Variants in LRRC31 observed in about 807,000 individuals in gnomAD.
LRRC31 encodes the protein leucine rich repeat containing 31.
LRRC31 carries 35 observed loss-of-function variants against 46.7 expected under a neutral mutation model. The ratio of observed to expected loss-of-function variants is 0.75; its 90% CI spans 0.57 to 0.99. The LOEUF (loss-of-function observed/expected upper bound fraction) is 0.99, where lower values mean the gene tolerates loss of function less well. Among genes scored for constraint, LRRC31 ranks in the 50% least tolerant of loss-of-function variants. LRRC31 has a pLI of 0.00. For synonymous variants in LRRC31, 236 were observed against 235.1 expected (o/e 1.00, Z -0.03); for missense variants, 613 against 626.1 (o/e 0.98, Z 0.22).
chr3:169,861,556 C>G, intron 2 of LRRC31, 114 bp downstream of exon 2: 1 of 1,026,454 alleles, frequency 9.7e-7, no homozygotes, highest in Non-Finnish European at 1.4e-6. Context: ...CTGCAATTGT[C>G]TGGGACCACT....
At chr3:169,862,193 A>G (rs538608716) in intron 1 of LRRC31, among the ~76,000 whole-genome samples, 97 of 152,312 alleles carry the variant, frequency 6.4e-4, no homozygotes, top group African/African-American at 2.2e-3. Flanking sequence ...GGAAGCAGAG[A>G]TACTTGCCTC....
rs770799121 is a variant in LRRC31, at chr3:169,854,943, T to C, written c.861A>G (p.Leu287=). 7 of 1,612,334 alleles carry C rather than the reference T, an allele frequency of 4.3e-6. No individual in the cohort carries two copies. The Admixed American group carries it at 1.2e-4, about 27-fold the overall frequency. Residue 287 remains leucine, a synonymous_variant, in exon 6 of 9, where the codon TTA becomes TTG. Coordinates refer to ENST00000316428, the MANE Select transcript of LRRC31 (RefSeq NM_024727.4). ...CTAGATCCTTATTGCAGGAAAGATC[T>C]AATTTCCTCAGCTCACCCAAATACC... ...AFRYLGELRK[L]DLSCNKDLGG... is the part of the protein sequence containing the mutation.
intron 8 of LRRC31, among the ~76,000 whole-genome samples, chr3:169,840,799 T>C (rs1330233758): frequency 6.6e-6 from 1 of 152,248 alleles, no homozygotes; most frequent in Non-Finnish European, 1.5e-5. Flanking sequence ...CCAATACATG[T>C]GACAGTTTTC....
Position 169,848,195 on chromosome 3 carries a change from G to A in LRRC31, c.1252C>T (p.Leu418=). ...GGNLKLLLET[L]KLSMSLQVLR... is the part of the protein sequence containing the mutation. ...ACTTGAAGAGACATGGAAAGCTTTA[G>A]TGTTTCCAGAAGCAGCTTCAAGTTG... Residue 418 remains leucine (L), a synonymous_variant, in exon 8 of 9, where the codon CTA becomes TTA. Transcript: ENST00000316428. 1 of 1,614,208 alleles carries A rather than the reference G, an allele frequency of 6.2e-7. No individual in the cohort carries two copies.
At chr3:169,865,025 G>A (rs1032547209) in intron 1 of LRRC31, among the ~76,000 whole-genome samples, 1 of 151,862 alleles carries the variant, frequency 6.6e-6, no homozygotes, top group Non-Finnish European at 1.5e-5. Flanking sequence ...TGCGTGAGCC[G>A]AGATTGTCCC....
At chr3:169,862,220 G>A (rs150508412) in intron 1 of LRRC31, among the ~76,000 whole-genome samples, 1 of 152,308 alleles carries the variant, frequency 6.6e-6, no homozygotes, top group Admixed American at 6.5e-5. Flanking sequence ...CCAAACAGGT[G>A]AAGAAGGGAA....
At position 169,861,792 on chromosome 3, in the gene LRRC31, A is replaced by G. The variant is rs750781236; in HGVS notation, c.197T>C (p.Met66Thr). The G allele has an allele frequency of 1.9e-6, 3 of 1,614,088 alleles. No homozygotes were observed. The highest frequency in any genetic ancestry group is 8.5e-7 in the Non-Finnish European group (1 of 1,179,998). Residue 66 changes from methionine to threonine, a missense_variant, in exon 2 of 9, where the codon ATG becomes ACG. Coordinates refer to ENST00000316428, the MANE Select transcript of LRRC31 (RefSeq NM_024727.4). Reference sequence around the variant, plus strand: ...TTTCTCCATACTGGATCTCCATTCCATTTCTGAACTGAGAGGCTTAGCTGT... The same window carrying G: ...TTTCTCCATACTGGATCTCCATTCCGTTTCTGAACTGAGAGGCTTAGCTGT... ...SETAKPLSSE[M>T]EWRSSMEKNE...
intron 8 of LRRC31, among the ~76,000 whole-genome samples, chr3:169,843,624 T>C (rs1385999433): frequency 2.0e-5 from 3 of 152,222 alleles, no homozygotes; most frequent in Non-Finnish European, 4.4e-5. Context: ...CACATTTATA[T>C]AAGCTTTTAA....
In LRRC31 at chr3:169,856,746, A is replaced by G; in HGVS notation, c.614T>C (p.Leu205Pro). The change falls in exon 4 of 9, where the codon CTT becomes CCT. Residue 205 changes from leucine to proline, a missense_variant. Physicochemically the swap from Leu to Pro is moderately conservative, Grantham distance 98 (BLOSUM62 -3). Transcript: ENST00000316428. The part of the protein sequence containing the change: ...QKGSKIQMIE[L>P]VDCSLTSEDG... ...TTCTGACGTGAGGGAGCAATCCACA[A>G]GCTCAATCATTTGTATCTTGCTCCC... 6.2e-7 allele frequency: 1 copy of G among 1,606,512 alleles called. No homozygotes were observed. The highest frequency in any genetic ancestry group is 8.5e-7 in the Non-Finnish European group (1 of 1,176,466).
At chr3:169,855,110 G>T (rs1780902530) in intron 5 of LRRC31, 130 bp from the exon 6 acceptor site, 1 of 668,900 alleles carries the variant, frequency 1.5e-6, no homozygotes, top group Non-Finnish European at 2.5e-6. Flanking sequence ...GGGCAGCATA[G>T]TGAGATCCAT....
rs1252230000 is a variant in LRRC31 at position 169,839,504 on chromosome 3, T to C, written c.*478A>G. The stretch of plus-strand genomic sequence containing the variant: ...ATGATACATGAAACTATTAGACAGC[T>C]AGTGCCTTTCACATTAGAATTACAC... On this transcript the variant is annotated 3_prime_UTR_variant, in exon 9 of 9. Transcript: ENST00000316428. The C allele has an allele frequency of 1.3e-5, 2 of 152,000 alleles. No homozygotes were observed. The highest frequency in any genetic ancestry group is 4.8e-5 in the African/African-American group (2 of 41,436). 9.4% of individuals were successfully genotyped at this position (152,000 alleles called of 1,614,324 possible). A position where few individuals can be genotyped will look rare whatever the true frequency, so the allele number is the denominator to read the frequency against.
At chr3:169,856,036 C>T (rs1248223283) in intron 5 of LRRC31, among the ~76,000 whole-genome samples, 2 of 151,888 alleles carry the variant, frequency 1.3e-5, no homozygotes, top group South Asian at 2.1e-4. Flanking sequence ...GCACGTACCA[C>T]CACGCCCAAC....
chr3:169,865,212 T>C (rs1049747820), intron 1 of LRRC31, among the ~76,000 whole-genome samples: 5 of 150,740 alleles, frequency 3.3e-5, no homozygotes, highest in African/African-American at 9.8e-5. Context: ...ATTGCGCCAC[T>C]GTAGTCCAGC....
chr3:169,847,197 T>C (rs1018431454), intron 8 of LRRC31, among the ~76,000 whole-genome samples: 8 of 152,190 alleles, frequency 5.3e-5, no homozygotes, highest in African/African-American at 1.9e-4. Flanking sequence ...TTTTGTTTTG[T>C]TTTTTGAGAA....
chr3:169,852,434 C>G (rs143792117), intron 6 of LRRC31, among the ~76,000 whole-genome samples: 1,678 of 143,820 alleles, frequency 0.012, 69 homozygotes, highest in African/African-American at 0.041. Flanking sequence ...AAAAAAAACT[C>G]TTAGCCTTCT....
At chr3:169,860,482 C>T in intron 3 of LRRC31, 79 bp downstream of exon 3, 1 of 1,454,684 alleles carries the variant, frequency 6.9e-7, no homozygotes, top group South Asian at 1.1e-5. Flanking sequence ...CCAGCCTCAG[C>T]CTCCCAAAGT....
chr3:169,869,457 C>A (rs966585696), intron 1 of LRRC31, among the ~76,000 whole-genome samples, 176 bp downstream of exon 1: 1 of 151,964 alleles, frequency 6.6e-6, no homozygotes, highest in Non-Finnish European at 1.5e-5. Context: ...GATGGATACC[C>A]CATTCTCCAC....
chr3:169,851,424 C>CA (rs34948819), intron 7 of LRRC31, among the ~76,000 whole-genome samples, 195 bp downstream of exon 7: 36 of 151,662 alleles, frequency 2.4e-4, no homozygotes, highest in Middle Eastern at 3.4e-3. Context: ...ACAACAACAA[C>CA]AAAAAAAACC....
chr3:169,856,741 C>A lies in LRRC31; in HGVS notation c.619G>T (p.Asp207Tyr). Residue 207 changes from aspartate (D) to tyrosine (Y), a missense_variant, in exon 4 of 9, where the codon GAT (aspartate) becomes TAT (tyrosine). Asp to Tyr is a radical substitution (Grantham distance 160). Coordinates refer to ENST00000316428, the MANE Select transcript of LRRC31 (RefSeq NM_024727.4). ...GSKIQMIELV[D>Y]CSLTSEDGTF... ...CCATCTTCTGACGTGAGGGAGCAATCCACAAGCTCAATCATTTGTATCTTG... is the reference window on the plus strand; with the variant it reads ...CCATCTTCTGACGTGAGGGAGCAATACACAAGCTCAATCATTTGTATCTTG... 4 of 1,605,300 alleles carry A rather than the reference C, an allele frequency of 2.5e-6. No homozygotes were observed. The highest frequency in any genetic ancestry group is 3.4e-6 in the Non-Finnish European group (4 of 1,175,904).
Sources: gnomAD v4.1 joint callset for allele counts (sites outside exome capture counted in the v4.1 genomes callset) on GRCh38, gnomAD v4.1.1 for gene constraint, MANE v1.5 for transcripts, NCBI Gene and HGNC (gene_info 2026-07-23, HGNC 2026-07-21) for gene names.